The following NR3C2 variants were observed in gnomAD, a reference collection of about 807,000 sequenced individuals.
The protein encoded by NR3C2 is nuclear receptor subfamily 3 group C member 2.
Under a neutral mutation model 86.4 loss-of-function variants are expected in NR3C2, and 15 were observed. That is an observed-to-expected ratio of 0.17 (90% CI 0.12 to 0.27). NR3C2 has a LOEUF of 0.27. Among genes scored for constraint, NR3C2 ranks in the 10% least tolerant of loss-of-function variants. The pLI, the probability that NR3C2 is intolerant of heterozygous loss-of-function variation, is 1.00. For synonymous variants in NR3C2, 458 were observed against 450.5 expected (o/e 1.02, Z -0.21); for missense variants, 960 against 1,195.6 (o/e 0.80, Z 2.91).
At chr4:148,412,799 G>A (rs1748771090) in intron 2 of NR3C2, among the ~76,000 whole-genome samples, 1 of 144,542 alleles carries the variant, frequency 6.9e-6, no homozygotes. Context: ...GCACATACGT[G>A]CATACACAGG....
intron 2 of NR3C2, among the ~76,000 whole-genome samples, chr4:148,371,691 C>T (rs1453972895): frequency 6.6e-6 from 1 of 151,986 alleles, no homozygotes; most frequent in Admixed American, 6.5e-5. Context: ...ACACTGTACA[C>T]TTTCCTTAAA....
chr4:148,428,142 G>A (rs1390868121), intron 2 of NR3C2, among the ~76,000 whole-genome samples: 1 of 152,138 alleles, frequency 6.6e-6, no homozygotes, highest in Non-Finnish European at 1.5e-5. Flanking sequence ...CATGCCACCT[G>A]ACAGGATGCA....
chr4:148,420,938 T>G (rs1749251587), intron 2 of NR3C2, among the ~76,000 whole-genome samples: 1 of 152,232 alleles, frequency 6.6e-6, no homozygotes. Flanking sequence ...GATGCCTCCA[T>G]GCTTCCTGTA....
chr4:148,154,200 G>T (rs1734237406), intron 5 of NR3C2, among the ~76,000 whole-genome samples: 1 of 151,802 alleles, frequency 6.6e-6, no homozygotes, highest in African/African-American at 2.4e-5. Context: ...GTAGAAACGG[G>T]GTTTCACCAT....
rs140602403 is a variant in NR3C2 at position 148,433,819 on chromosome 4, A to T, written c.1757+1285T>A. ...GCACTAGCAGTAAAACACATGCTCA[A>T]TTTGGTTCTGATGGCAGCCATGCTA... On this transcript the variant is annotated intron_variant, in intron 2 of 8. Coordinates refer to ENST00000358102, the MANE Select transcript of NR3C2 (RefSeq NM_000901.5). Among the ~76,000 whole-genome samples, 82 of 152,324 alleles carry T rather than the reference A, an allele frequency of 5.4e-4. 2 individuals carry two copies. In the East Asian group the frequency reaches 0.012, roughly 21 times the overall value.
intron 8 of NR3C2, among the ~76,000 whole-genome samples, chr4:148,097,741 G>GTTTT (rs1180902227): frequency 0.012 from 1,236 of 107,206 alleles, 94 homozygotes; most frequent in African/African-American, 0.027. Flanking sequence ...ACTTTTTTGC[G>GTTTT]TTTTTTTTTG....
chr4:148,434,855 T>C (rs986883208), intron 2 of NR3C2, among the ~76,000 whole-genome samples: 18 of 152,090 alleles, frequency 1.2e-4, no homozygotes, highest in African/African-American at 3.9e-4. Context: ...AAACAGGAAA[T>C]GGGGAGTGCG....
At chr4:148,130,661 C>G (rs1206364324) in intron 6 of NR3C2, among the ~76,000 whole-genome samples, 2 of 152,038 alleles carry the variant, frequency 1.3e-5, no homozygotes, top group Non-Finnish European at 2.9e-5. Flanking sequence ...ACAGGTAAAT[C>G]AACAGATTTC....
chr4:148,262,516 C>T (rs1156745621), intron 2 of NR3C2, among the ~76,000 whole-genome samples: 2 of 152,218 alleles, frequency 1.3e-5, no homozygotes, highest in East Asian at 1.9e-4. Context: ...TGCCTCCAAA[C>T]GTGTTCATTT....
intron 2 of NR3C2, among the ~76,000 whole-genome samples, chr4:148,358,765 C>T (rs987104143): frequency 6.6e-6 from 1 of 152,154 alleles, no homozygotes; most frequent in Non-Finnish European, 1.5e-5. Flanking sequence ...GCATTTTCAA[C>T]ACACTTATAG....
chr4:148,350,616 A>C (rs1745227103), intron 2 of NR3C2, among the ~76,000 whole-genome samples: 1 of 151,888 alleles, frequency 6.6e-6, no homozygotes, highest in African/African-American at 2.4e-5. Context: ...CAAAGTCACC[A>C]TAGTAAACCT....
At chr4:148,225,239 G>T (rs913764235) in intron 3 of NR3C2, among the ~76,000 whole-genome samples, 1 of 152,104 alleles carries the variant, frequency 6.6e-6, no homozygotes, top group African/African-American at 2.4e-5. Flanking sequence ...TATGGTTCTG[G>T]CTGGACTATA....
At chr4:148,296,065 A>AAAAAAG (rs1346230095) in intron 2 of NR3C2, among the ~76,000 whole-genome samples, 1 of 151,308 alleles carries the variant, frequency 6.6e-6, no homozygotes, top group African/African-American at 2.4e-5. Context: ...AAAAAAAAAA[A>AAAAAAG]AGAGAGAATG....
In NR3C2 at chr4:148,279,415, T is replaced by C. The variant is rs183672597; in HGVS notation, c.1758-19298A>G. On this transcript the variant is annotated intron_variant, in intron 2 of 8. Transcript: ENST00000358102. ...GCTTTAATTCCTTTTCTTCACATTA[T>C]TGGATGAGCGATAACTATCGAGAAT... Among the ~76,000 whole-genome samples the C allele has an allele frequency of 1.5e-3, 227 of 152,274 alleles. 1 individual carries two copies. Among genetic ancestry groups the C allele is most frequent in the Non-Finnish European group, 1.7e-3 (116 of 67,988 alleles).
intron 3 of NR3C2, among the ~76,000 whole-genome samples, chr4:148,255,146 C>T (rs1739770725): frequency 2.0e-5 from 3 of 152,204 alleles, no homozygotes; most frequent in South Asian, 4.2e-4. Context: ...AGTGTGTGCA[C>T]ACACAGCATT....
intron 2 of NR3C2, among the ~76,000 whole-genome samples, chr4:148,416,302 GATAATA>G (rs962708312): frequency 1.3e-5 from 2 of 152,126 alleles, no homozygotes; most frequent in African/African-American, 2.4e-5. Context: ...TAAAGACAAT[GATAATA>G]ATAATATAGC....
chr4:148,398,951 T>G (rs1309977016), intron 2 of NR3C2, among the ~76,000 whole-genome samples: 1 of 152,194 alleles, frequency 6.6e-6, no homozygotes, highest in Non-Finnish European at 1.5e-5. Context: ...TGGTGAGCCA[T>G]AGCCTGAGGA....
chr4:148,110,729 T>C (rs933866953), intron 8 of NR3C2, among the ~76,000 whole-genome samples: 10 of 152,224 alleles, frequency 6.6e-5, no homozygotes, highest in African/African-American at 2.4e-4. Context: ...AGAATTAAAA[T>C]GATTCTAATG....
chr4:148,155,637 C>A (rs1734340237), intron 4 of NR3C2, among the ~76,000 whole-genome samples: 1 of 151,934 alleles, frequency 6.6e-6, no homozygotes, highest in East Asian at 1.9e-4. Flanking sequence ...GAAGAACATT[C>A]CATGCTCATG....
Sources: allele counts gnomAD v4.1 joint callset (sites outside exome capture counted in the v4.1 genomes callset), GRCh38; gene constraint gnomAD v4.1.1; transcripts MANE v1.5; gene names NCBI Gene and HGNC (gene_info 2026-07-23, HGNC 2026-07-21).